Variants in FBXL7 observed in about 807,000 individuals in gnomAD.
FBXL7 encodes the protein F-box/LRR-repeat protein 7.
A neutral mutation model predicts 38.3 loss-of-function variants in FBXL7; 12 were observed. That is an observed-to-expected ratio of 0.31 (90% CI 0.20 to 0.51). The LOEUF (loss-of-function observed/expected upper bound fraction) is 0.51, where lower values mean the gene tolerates loss of function less well. Among genes scored for constraint, FBXL7 ranks in the 20% least tolerant of loss-of-function variants. The probability of loss-of-function intolerance (pLI) is 0.98; values close to 1 mark genes in which losing one functional copy is unlikely to be tolerated. For synonymous variants in FBXL7, 297 were observed against 300.9 expected (o/e 0.99, Z 0.13); for missense variants, 567 against 676.4 (o/e 0.84, Z 1.79).
At chr5:15,611,804 G>A (rs1261688590) in intron 1 of FBXL7, among the ~76,000 whole-genome samples, 1 of 150,880 alleles carries the variant, frequency 6.6e-6, no homozygotes, top group African/African-American at 2.4e-5. Context: ...GCAACATAAT[G>A]AGACCTCATC....
chr5:15,832,925 G>C (rs1738495258), intron 2 of FBXL7, among the ~76,000 whole-genome samples: 1 of 152,144 alleles, frequency 6.6e-6, no homozygotes, highest in Middle Eastern at 3.4e-3. Context: ...AACCATAGGG[G>C]CGGGTCTTTC....
intron 2 of FBXL7, among the ~76,000 whole-genome samples, chr5:15,816,648 A>T (rs1261328249): frequency 6.6e-6 from 1 of 152,212 alleles, no homozygotes; most frequent in Non-Finnish European, 1.5e-5. Context: ...ACTGAAATAA[A>T]AAAATTAACT....
chr5:15,837,806 T>C (rs987390925), intron 2 of FBXL7, among the ~76,000 whole-genome samples: 4 of 152,128 alleles, frequency 2.6e-5, no homozygotes, highest in African/African-American at 9.7e-5. Context: ...GGTCTGCATC[T>C]GACAGCTTCA....
intron 2 of FBXL7, among the ~76,000 whole-genome samples, chr5:15,680,497 G>T (rs1742807145): frequency 6.6e-6 from 1 of 152,096 alleles, no homozygotes; most frequent in Non-Finnish European, 1.5e-5. Flanking sequence ...AAAGAACCAG[G>T]TTTAAATAAA....
chr5:15,556,035 CTACT>C (rs1738226798), intron 1 of FBXL7, among the ~76,000 whole-genome samples: 1 of 151,080 alleles, frequency 6.6e-6, no homozygotes, highest in African/African-American at 2.4e-5. Flanking sequence ...AGTCTATCAT[CTACT>C]TATCATCTAT....
At chr5:15,892,984 T>C (rs989043432) in intron 2 of FBXL7, among the ~76,000 whole-genome samples, 12 of 147,714 alleles carry the variant, frequency 8.1e-5, no homozygotes, top group Non-Finnish European at 1.1e-4. Flanking sequence ...GGCGTGGTGG[T>C]GGGCACCTGT....
intron 1 of FBXL7, among the ~76,000 whole-genome samples, chr5:15,533,141 G>C (rs1347715932): frequency 6.6e-6 from 1 of 152,118 alleles, no homozygotes; most frequent in Non-Finnish European, 1.5e-5. Context: ...AGGTTTGGGA[G>C]CATCATCTTG....
chr5:15,712,934 A>ATC (rs1287400815), intron 2 of FBXL7, among the ~76,000 whole-genome samples: 2 of 152,164 alleles, frequency 1.3e-5, no homozygotes, highest in Admixed American at 1.3e-4. Context: ...TGTCTAAATT[A>ATC]TCTGGTCTAG....
At chr5:15,742,083 A>T (rs1329939906) in intron 2 of FBXL7, among the ~76,000 whole-genome samples, 1 of 152,152 alleles carries the variant, frequency 6.6e-6, no homozygotes, top group Non-Finnish European at 1.5e-5. Context: ...TGCTTAATGG[A>T]CACTTTTGGC....
intron 1 of FBXL7, among the ~76,000 whole-genome samples, chr5:15,523,961 A>G (rs113817352): frequency 9.9e-5 from 15 of 152,198 alleles, no homozygotes; most frequent in African/African-American, 3.6e-4. Flanking sequence ...CTAATGTTGC[A>G]TATAGAGATG....
At chr5:15,857,060 TA>T (rs1315659343) in intron 2 of FBXL7, among the ~76,000 whole-genome samples, 1 of 152,186 alleles carries the variant, frequency 6.6e-6, no homozygotes, top group African/African-American at 2.4e-5. Flanking sequence ...TTGCCTTCCA[TA>T]ACATCTTACC....
Position 15,726,523 on chromosome 5 carries a change from T to C in FBXL7, c.127+110451T>C, listed in dbSNP as rs1448590211. ...GCCTGGCCAATATGGTGAAACCCCG[T>C]CTCTACTAAAAATACAAAAATTAGC... is the stretch of plus-strand genomic sequence containing the variant. On this transcript the variant is annotated intron_variant, in intron 2 of 3. Transcript: ENST00000504595. Among the ~76,000 whole-genome samples the C allele has an allele frequency of 2.0e-5, 3 of 151,984 alleles. No homozygotes were observed. The East Asian group carries it at 5.8e-4, about 30-fold the overall frequency.
In FBXL7 at chr5:15,915,499, T is replaced by C. The variant is rs77453649; in HGVS notation, c.128-12391T>C. Among the ~76,000 whole-genome samples, 1,389 of 152,330 alleles carry C rather than the reference T, an allele frequency of 9.1e-3. 18 individuals are homozygous for C. The highest frequency in any genetic ancestry group is 0.032 in the African/African-American group (1,330 of 41,566). On this transcript the variant is annotated intron_variant, in intron 2 of 3. Coordinates refer to ENST00000504595, the MANE Select transcript of FBXL7 (RefSeq NM_012304.5). ...TTTCTGTGTCTATACCCTGTGTCTC[T>C]GTCTTGCCTGCTTATGAAGACACTA... is the stretch of plus-strand genomic sequence containing the variant.
intron 2 of FBXL7, among the ~76,000 whole-genome samples, chr5:15,729,859 A>G (rs1735524971): frequency 6.6e-6 from 1 of 152,194 alleles, no homozygotes; most frequent in South Asian, 2.1e-4. Context: ...TCCCCATTTT[A>G]CAAATGAGAA....
chr5:15,696,709 A>G (rs1743349017), intron 2 of FBXL7, among the ~76,000 whole-genome samples: 1 of 152,158 alleles, frequency 6.6e-6, no homozygotes, highest in African/African-American at 2.4e-5. Context: ...TTTCTTTTCA[A>G]AATAGTTTCA....
chr5:15,640,219 C>T (rs184075337), intron 2 of FBXL7, among the ~76,000 whole-genome samples: 8 of 152,248 alleles, frequency 5.3e-5, no homozygotes, highest in Admixed American at 3.9e-4. Flanking sequence ...TGGCAGCAGC[C>T]GTCTTCCCTT....
intron 2 of FBXL7, among the ~76,000 whole-genome samples, chr5:15,883,218 G>T (rs1393354085): frequency 6.6e-6 from 1 of 152,162 alleles, no homozygotes; most frequent in Non-Finnish European, 1.5e-5. Flanking sequence ...TGCTATCTTG[G>T]TATAGATGCT....
rs940013952 is a variant in FBXL7 at position 15,937,377 on chromosome 5, C to G, written c.*191C>G. ...GGCCAAAGAAACGAAGCAAGACAAA[C>G]AGCAAACAGGCATTTTGGTCAGGTC... On this transcript the variant is annotated 3_prime_UTR_variant, in exon 4 of 4. Transcript: ENST00000504595. 2.9e-6 allele frequency: 2 copies of G among 686,614 alleles called. No individual in the cohort carries two copies. The highest frequency in any genetic ancestry group is 4.7e-6 in the Non-Finnish European group (2 of 424,376). 42.5% of individuals were successfully genotyped at this position (686,614 alleles called of 1,614,324 possible).
At chr5:15,655,741 C>T (rs1741858738) in intron 2 of FBXL7, among the ~76,000 whole-genome samples, 1 of 152,128 alleles carries the variant, frequency 6.6e-6, no homozygotes, top group South Asian at 2.1e-4. Flanking sequence ...ATTCTTAGAA[C>T]ATGAAAACTG....
Sources: gnomAD v4.1 joint callset for allele counts (sites outside exome capture counted in the v4.1 genomes callset) on GRCh38, gnomAD v4.1.1 for gene constraint, MANE v1.5 for transcripts, NCBI Gene and HGNC (gene_info 2026-07-23, HGNC 2026-07-21) for gene names.